The following PPM1H variants were observed in gnomAD, a reference collection of about 807,000 sequenced individuals.
The protein encoded by PPM1H is protein phosphatase, Mg2+/Mn2+ dependent 1H.
In PPM1H, 27 loss-of-function variants were observed where a neutral mutation model predicts 54.9. The ratio of observed to expected loss-of-function variants is 0.49; its 90% CI spans 0.36 to 0.68. The LOEUF is 0.68. Ranked by LOEUF, PPM1H falls within the 30% of genes least tolerant of loss-of-function variation. The pLI is 0.00. For missense variants in PPM1H, 596 were observed against 667.8 expected, an observed-to-expected ratio of 0.89 and a Z score of 1.19; for synonymous variants, 305 against 270.8, an observed-to-expected ratio of 1.13 and a Z score of -1.24.
rs1034641713 is a variant in PPM1H, at chr12:62,755,923, C to T, written c.870-18337G>A. The T allele has an allele frequency of 3.7e-6, 3 of 802,480 alleles. No homozygotes were observed. In the Admixed American group the frequency reaches 5.6e-5, roughly 15 times the overall value. 49.7% of individuals were successfully genotyped at this position (802,480 alleles called of 1,614,324 possible). Reference sequence around the variant, plus strand: ...TAAATGGGAAGTTCACTGGCATGGCCTTCTGTGTCCCTACTGCCAATGTGT... The same window carrying T: ...TAAATGGGAAGTTCACTGGCATGGCTTTCTGTGTCCCTACTGCCAATGTGT... On this transcript the variant is annotated intron_variant, in intron 4 of 9. Coordinates refer to ENST00000228705, the MANE Select transcript of PPM1H (RefSeq NM_020700.2).
intron 1 of PPM1H, among the ~76,000 whole-genome samples, chr12:62,882,545 G>A (rs1325181504): frequency 6.6e-6 from 1 of 152,214 alleles, no homozygotes; most frequent in Non-Finnish European, 1.5e-5. Flanking sequence ...AGAGTCCTTG[G>A]AAACAGGGGC....
At chr12:62,830,050 A>G (rs1194831819) in intron 2 of PPM1H, among the ~76,000 whole-genome samples, 1 of 152,200 alleles carries the variant, frequency 6.6e-6, no homozygotes, top group African/African-American at 2.4e-5. Context: ...TCTCTAATTC[A>G]CAAGTGAAGA....
intron 2 of PPM1H, among the ~76,000 whole-genome samples, chr12:62,806,245 T>C (rs1449101774): frequency 6.6e-6 from 1 of 152,112 alleles, no homozygotes; most frequent in East Asian, 1.9e-4. Flanking sequence ...TGAGTAGATA[T>C]GGTGACATGA....
At position 62,932,583 on chromosome 12, in the gene PPM1H, C is replaced by T. The variant is rs922820938; in HGVS notation, c.245+1909G>A. ...GACCCCCATCTACACAATTATACCA[C>T]AGGGTATGCCTCCAAGTTGCTGTCT... is the stretch of plus-strand genomic sequence containing the variant. On this transcript the variant is annotated intron_variant, in intron 1 of 9. Transcript: ENST00000228705. 4.1e-5 allele frequency among the ~76,000 whole-genome samples: 6 copies of T among 147,958 alleles called. No individual in the cohort carries two copies. In the South Asian group the frequency reaches 6.4e-4, roughly 16 times the overall value.
chr12:62,920,242 G>C (rs1014421639), intron 1 of PPM1H, among the ~76,000 whole-genome samples: 5 of 152,204 alleles, frequency 3.3e-5, no homozygotes, highest in Non-Finnish European at 5.9e-5. Context: ...GTATCTTTTA[G>C]AGTCCATCCT....
chr12:62,733,263 C>A (rs1349244570), intron 5 of PPM1H, among the ~76,000 whole-genome samples: 1 of 152,076 alleles, frequency 6.6e-6, no homozygotes, highest in African/African-American at 2.4e-5. Flanking sequence ...CTCCACCCCC[C>A]TCCCTGCCAA....
intron 6 of PPM1H, among the ~76,000 whole-genome samples, chr12:62,694,922 T>G (rs904879322): frequency 1.3e-5 from 2 of 152,144 alleles, no homozygotes; most frequent in African/African-American, 4.8e-5. Flanking sequence ...TTCTGCAAAA[T>G]GGGGATAACA....
chr12:62,925,998 T>C (rs1288319926), intron 1 of PPM1H, among the ~76,000 whole-genome samples: 2 of 152,340 alleles, frequency 1.3e-5, no homozygotes, highest in Middle Eastern at 6.8e-3. Context: ...CAGCCCTAAC[T>C]ACCACCACCT....
intron 7 of PPM1H, among the ~76,000 whole-genome samples, chr12:62,692,956 C>CACACAT (rs1232462650): frequency 6.6e-6 from 1 of 151,792 alleles, no homozygotes; most frequent in Non-Finnish European, 1.5e-5. Flanking sequence ...CACACACACA[C>CACACAT]ACACACACTC....
chr12:62,700,922 AT>A (rs1047693119), intron 6 of PPM1H, among the ~76,000 whole-genome samples: 3 of 151,756 alleles, frequency 2.0e-5, no homozygotes, highest in Non-Finnish European at 4.4e-5. Context: ...TTCCTGCTTT[AT>A]TTTTTTTCCA....
intron 1 of PPM1H, among the ~76,000 whole-genome samples, chr12:62,896,795 G>C (rs1871004563): frequency 6.6e-6 from 1 of 152,134 alleles, no homozygotes. Flanking sequence ...AAAGACACAT[G>C]CTCACATATG....
chr12:62,909,311 C>T (rs1871388697), intron 1 of PPM1H, among the ~76,000 whole-genome samples: 1 of 152,198 alleles, frequency 6.6e-6, no homozygotes. Flanking sequence ...CACATGGTGG[C>T]CAAAGCCATC....
intron 6 of PPM1H, among the ~76,000 whole-genome samples, chr12:62,712,555 T>C (rs1166133431): frequency 6.6e-6 from 1 of 152,218 alleles, no homozygotes; most frequent in Non-Finnish European, 1.5e-5. Context: ...GTCCCCAAAA[T>C]GCCAGAGACA....
intron 3 of PPM1H, among the ~76,000 whole-genome samples, chr12:62,800,708 T>A (rs1043363811): frequency 2.6e-5 from 4 of 152,332 alleles, no homozygotes; most frequent in African/African-American, 9.6e-5. Context: ...TCCTTAAATA[T>A]CTCTTATTCT....
At chr12:62,814,370 C>T (rs1026619189) in intron 2 of PPM1H, among the ~76,000 whole-genome samples, 4 of 151,904 alleles carry the variant, frequency 2.6e-5, no homozygotes, top group Non-Finnish European at 4.4e-5. Context: ...AGGCATGTGC[C>T]ACCACACCTG....
intron 6 of PPM1H, among the ~76,000 whole-genome samples, chr12:62,716,048 AC>A (rs1444029527): frequency 6.6e-6 from 1 of 152,166 alleles, no homozygotes; most frequent in Admixed American, 6.5e-5. Flanking sequence ...AAGAACCCCA[AC>A]AAAAAGTCAG....
intron 9 of PPM1H, among the ~76,000 whole-genome samples, chr12:62,663,182 A>G (rs2075895270): frequency 1.3e-5 from 2 of 152,156 alleles, no homozygotes; most frequent in Non-Finnish European, 2.9e-5. Flanking sequence ...ATCTTCTTGC[A>G]TGAACGACGA....
chr12:62,809,748 G>A (rs973845796), intron 2 of PPM1H, among the ~76,000 whole-genome samples: 7 of 152,196 alleles, frequency 4.6e-5, no homozygotes, highest in Non-Finnish European at 1.0e-4. Flanking sequence ...ATGCTGACAT[G>A]TCTTACAGAC....
At chr12:62,804,333 G>A (rs1592607838) in intron 2 of PPM1H, among the ~76,000 whole-genome samples, 3 of 133,196 alleles carry the variant, frequency 2.3e-5, no homozygotes, top group East Asian at 4.0e-4. Context: ...CAGCTGGGGT[G>A]ACAGAGTGAC....
Sources: allele counts gnomAD v4.1 joint callset (sites outside exome capture counted in the v4.1 genomes callset), GRCh38; gene constraint gnomAD v4.1.1; transcripts MANE v1.5; gene names NCBI Gene and HGNC (gene_info 2026-07-23, HGNC 2026-07-21).